The following ZGPAT variants were observed in gnomAD, a reference collection of about 807,000 sequenced individuals.
ZGPAT encodes zinc finger CCCH-type and G-patch domain containing, also known as zinc finger CCCH-type with G patch domain-containing protein.
In ZGPAT, 39 loss-of-function variants were observed where a neutral mutation model predicts 47.9. The observed-to-expected ratio is 0.81, with a 90% CI of 0.63 to 1.06. The LOEUF (loss-of-function observed/expected upper bound fraction) is 1.06, where lower values mean the gene tolerates loss of function less well. ZGPAT is among the 50% of genes least tolerant of loss of function. ZGPAT has a pLI of 0.00. For synonymous variants in ZGPAT, 348 were observed against 292.9 expected (o/e 1.19, Z -1.92); for missense variants, 717 against 681.4 (o/e 1.05, Z -0.58).
intron 2 of ZGPAT, among the ~76,000 whole-genome samples, chr20:63,711,812 T>C (rs2750482): frequency 0.19 from 28,933 of 151,996 alleles, 3,694 homozygotes; most frequent in East Asian, 0.61. Flanking sequence ...GGTCTCGAAC[T>C]CTTGACCTCA....
chr20:63,711,906 G>A (rs1038463704), intron 2 of ZGPAT, among the ~76,000 whole-genome samples: 1 of 152,116 alleles, frequency 6.6e-6, no homozygotes. Context: ...TATATATTCT[G>A]GATATCATCC....
chr20:63,708,651 T>C lies in ZGPAT; in HGVS notation c.71T>C (p.Leu24Ser). The C allele has an allele frequency of 6.2e-7, 1 of 1,612,282 alleles. No homozygotes were observed. Among genetic ancestry groups the C allele is most frequent in the Non-Finnish European group, 8.5e-7 (1 of 1,179,686 alleles). ...CAGCTGCAGCAGGTGGAGCTGGCCT[T>C]GGGCGCCGGCCTGGATTCGTCTGAG... is the stretch of plus-strand genomic sequence containing the variant. ...RAQLQQVELA[L>S]GAGLDSSEQA... The change falls in exon 2 of 7, where the codon TTG (leucine) becomes TCG (serine). Residue 24 changes from leucine (L) to serine (S), a missense_variant. Transcript: ENST00000355969.
At chr20:63,730,493 TTTTG>T (rs1161166329) in intron 2 of ZGPAT, 91 of 152,308 alleles carry the variant, frequency 6.0e-4, no homozygotes, top group African/African-American at 2.0e-3. Context: ...GTTGCTCCTT[TTTTG>T]TTTTTTTGAG....
chr20:63,733,742 A>G lies in ZGPAT; in HGVS notation c.871+3A>G, dbSNP rs1479223008. 3 of 1,607,424 alleles carry G rather than the reference A, an allele frequency of 1.9e-6. No homozygotes were observed. In the East Asian group the frequency reaches 6.7e-5, roughly 36 times the overall value. ...GGGTGACTCCAGCTATGCCAGAGGT[A>G]TGGCAGCAGCTGCGGAGCCCAGGAG... On this transcript the variant is annotated splice_donor_region_variant and intron_variant, in intron 4 of 6. Transcript: ENST00000355969.
intron 2 of ZGPAT, among the ~76,000 whole-genome samples, chr20:63,729,543 C>T (rs539900471): frequency 2.0e-5 from 3 of 152,262 alleles, no homozygotes; most frequent in African/African-American, 7.2e-5. Flanking sequence ...TTTCTCCTTG[C>T]ACCCCATCTG....
At chr20:63,726,897 T>C (rs2091850784) in intron 2 of ZGPAT, among the ~76,000 whole-genome samples, 1 of 152,164 alleles carries the variant, frequency 6.6e-6, no homozygotes, top group South Asian at 2.1e-4. Flanking sequence ...ATTTCACATA[T>C]ACTCCAGACC....
intron 2 of ZGPAT, among the ~76,000 whole-genome samples, chr20:63,732,275 G>A (rs1332584889): frequency 1.6e-5 from 2 of 128,556 alleles, no homozygotes; most frequent in African/African-American, 6.0e-5. Context: ...GGTCGCATGT[G>A]TGTGGGTGAG....
At chr20:63,714,511 A>G (rs1183594291) in intron 2 of ZGPAT, among the ~76,000 whole-genome samples, 4 of 150,318 alleles carry the variant, frequency 2.7e-5, no homozygotes, top group Admixed American at 2.6e-4. Context: ...TGTTCCTGAT[A>G]TTAGGTGGAA....
At chr20:63,733,125 A>G (rs1272412540) in intron 2 of ZGPAT, 94 bp from the exon 3 acceptor site, 3 of 1,529,794 alleles carry the variant, frequency 2.0e-6, no homozygotes, top group East Asian at 2.3e-5. Context: ...TGTCTCCCTC[A>G]GGACAGTGCC....
Position 63,708,552 on chromosome 20 carries a change from G to A in ZGPAT, c.-28-1G>A, listed in dbSNP as rs1031747060. On this transcript the variant is annotated splice_acceptor_variant, in intron 1 of 6. Coordinates refer to ENST00000355969, the MANE Select transcript of ZGPAT (RefSeq NM_181485.3). LOFTEE classifies it low-confidence loss of function (5UTR_SPLICE). Reference sequence around the variant, plus strand: ...GGCTCAGCTGGCTTCTCTTCTTGCAGCCCTGGTCCAGCGCCTCCCTCTCTC... The same window carrying A: ...GGCTCAGCTGGCTTCTCTTCTTGCAACCCTGGTCCAGCGCCTCCCTCTCTC... 1 of 1,554,108 alleles carries A rather than the reference G, an allele frequency of 6.4e-7. No homozygotes were observed. The highest frequency in any genetic ancestry group is 8.7e-7 in the Non-Finnish European group (1 of 1,146,432).
chr20:63,718,674 T>C (rs1224525592), intron 2 of ZGPAT, among the ~76,000 whole-genome samples: 2 of 151,970 alleles, frequency 1.3e-5, no homozygotes, highest in Admixed American at 1.3e-4. Context: ...CAGGCTGGTC[T>C]TGAACTCCTG....
intron 2 of ZGPAT, among the ~76,000 whole-genome samples, chr20:63,719,563 G>A (rs2091766394): frequency 6.6e-6 from 1 of 151,620 alleles, no homozygotes; most frequent in African/African-American, 2.4e-5. Context: ...TGAAACTTCT[G>A]GTGAAATTTT....
chr20:63,730,956 CTCTCTCTCTCTCTCTGTG>C (rs1346714801), intron 2 of ZGPAT, among the ~76,000 whole-genome samples: 15 of 126,872 alleles, frequency 1.2e-4, no homozygotes, highest in African/African-American at 4.6e-4. Flanking sequence ...CTCTCTCTCT[CTCTCTCTCTCTCTCTGTG>C]TGTGTGTGTG....
intron 5 of ZGPAT, 46 bp downstream of exon 5, chr20:63,734,870 A>G: frequency 2.0e-6 from 3 of 1,526,708 alleles, no homozygotes; most frequent in Non-Finnish European, 2.6e-6. Context: ...GCTGCAGCAT[A>G]GCCCAGGTCC....
chr20:63,708,772 C>T lies in ZGPAT; in HGVS notation c.192C>T (p.Ala64=), dbSNP rs2091609984. 1.9e-6 allele frequency: 3 copies of T among 1,608,926 alleles called. No homozygotes were observed. Among genetic ancestry groups the T allele is most frequent in the African/African-American group, 2.7e-5 (2 of 74,870 alleles). ...CTGTCAGGAAGAGCAGCTTGTTGGC[C>T]GCGCTGGACGAAGAGCGCCCGGGCC... ...LVSVRKSSLL[A]ALDEERPGRQ... Residue 64 remains alanine (A), a synonymous_variant, in exon 2 of 7, where the codon GCC becomes GCT. Transcript: ENST00000355969.
chr20:63,710,897 C>T (rs1230266697), intron 2 of ZGPAT, among the ~76,000 whole-genome samples: 4 of 152,118 alleles, frequency 2.6e-5, no homozygotes, highest in African/African-American at 4.8e-5. Context: ...CTTTATTTTT[C>T]CTCCTTTTTA....
intron 2 of ZGPAT, among the ~76,000 whole-genome samples, chr20:63,724,424 G>A (rs1214626289): frequency 6.6e-6 from 1 of 150,822 alleles, no homozygotes; most frequent in Admixed American, 6.6e-5. Flanking sequence ...GTTCATGCCT[G>A]TAATCCCAAA....
In ZGPAT at chr20:63,735,289, G is replaced by GC. The variant is rs1338413684; in HGVS notation, c.1128dup (p.Arg377GlnfsTer20). 1.2e-6 allele frequency: 2 copies of GC among 1,605,022 alleles called. No individual in the cohort carries two copies. ...GGGTTGGCAAGGCTGGCACCAACAA[G>GC]CCCCCCAGGTGCCGGGGAAGAGGGG... On this transcript the variant is annotated frameshift_variant, in exon 6 of 7. Coordinates refer to ENST00000355969, the MANE Select transcript of ZGPAT (RefSeq NM_181485.3). LOFTEE classifies it high-confidence loss of function.
At chr20:63,715,889 CTA>C (rs1349436625) in intron 2 of ZGPAT, among the ~76,000 whole-genome samples, 4 of 152,012 alleles carry the variant, frequency 2.6e-5, no homozygotes, top group Admixed American at 6.6e-5. Flanking sequence ...AGTTTATTGA[CTA>C]TTGATTCAAT....
Sources: gnomAD v4.1 joint callset for allele counts (sites outside exome capture counted in the v4.1 genomes callset) on GRCh38, gnomAD v4.1.1 for gene constraint, MANE v1.5 for transcripts, NCBI Gene and HGNC (gene_info 2026-07-23, HGNC 2026-07-21) for gene names.